Variants in USP28 observed in about 807,000 individuals in gnomAD.
USP28 encodes ubiquitin carboxyl-terminal hydrolase 28.
A neutral mutation model predicts 145.0 loss-of-function variants in USP28; 113 were observed. The ratio of observed to expected loss-of-function variants is 0.78; its 90% CI spans 0.67 to 0.91. USP28 has a LOEUF of 0.91. Among genes scored for constraint, USP28 ranks in the 40% least tolerant of loss-of-function variants. USP28 has a pLI of 0.00. For missense variants in USP28, 1,201 were observed against 1,289.6 expected (o/e 0.93, Z 1.05); for synonymous variants, 447 against 450.9 (o/e 0.99, Z 0.11).
At chr11:113,835,405 A>G in intron 5 of USP28, 1 of 453,576 alleles carries the variant, frequency 2.2e-6, no homozygotes, top group Non-Finnish European at 4.4e-6. Flanking sequence ...CCCCAGGTAT[A>G]TTTCCTAATG....
At chr11:113,832,650 AT>A (rs1944134475) in intron 7 of USP28, among the ~76,000 whole-genome samples, 1 of 152,254 alleles carries the variant, frequency 6.6e-6, no homozygotes, top group Non-Finnish European at 1.5e-5. Flanking sequence ...AGAGATCTGA[AT>A]AAAGAAAGAA....
intron 5 of USP28, among the ~76,000 whole-genome samples, chr11:113,840,385 C>T (rs1357788095): frequency 2.6e-5 from 4 of 152,214 alleles, no homozygotes; most frequent in African/African-American, 9.6e-5. Flanking sequence ...TCCAAAACAC[C>T]TATTCAATAT....
intron 21 of USP28, 92 bp downstream of exon 22, chr11:113,804,581 T>C: frequency 8.6e-7 from 1 of 1,161,714 alleles, no homozygotes; most frequent in Non-Finnish European, 1.2e-6. Context: ...CAAGTCAGTT[T>C]GTAATAGCAC....
intron 1 of USP28, chr11:113,874,439 A>AG (rs1949166844): frequency 1.8e-6 from 2 of 1,105,262 alleles, no homozygotes; most frequent in Non-Finnish European, 2.3e-6. Context: ...AAAAAAAAAA[A>AG]AAAAAAAAAA....
exon 15 of USP28, chr11:113,813,894 G>T: frequency 6.2e-7 from 1 of 1,612,752 alleles, no homozygotes; most frequent in Non-Finnish European, 8.5e-7. Flanking sequence ...CCTGACGAAG[G>T]AGAGGATCGC....
Position 113,824,794 on chromosome 11 carries a change from T to C in USP28, c.1188-1094A>G, listed in dbSNP as rs1943100706. On this transcript the variant is annotated intron_variant, in intron 11 of 24. Coordinates refer to ENST00000003302, the Ensembl canonical transcript of USP28. ...TAAAAATACAAAATTAGCTGGGCGT[T>C]GTGGCACATGCCTGTAATCCCAGAT... Among the ~76,000 whole-genome samples the C allele has an allele frequency of 2.0e-5, 3 of 151,594 alleles. No individual in the cohort carries two copies. In the South Asian group the frequency reaches 6.3e-4, roughly 32 times the overall value.
chr11:113,805,692 C>G (rs1428224310), intron 19 of USP28, among the ~76,000 whole-genome samples: 1 of 152,166 alleles, frequency 6.6e-6, no homozygotes, highest in East Asian at 1.9e-4. Context: ...CAATTTTACT[C>G]AAGTATTTTT....
intron 24 of USP28, among the ~76,000 whole-genome samples, chr11:113,800,437 G>C (rs7951021): frequency 0.51 from 76,962 of 151,846 alleles, 20,275 homozygotes; most frequent in South Asian, 0.59. Context: ...TGAGTAGCTA[G>C]AACTACACTA....
exon 24 of USP28, chr11:113,801,493 T>C (rs750361252): frequency 1.3e-6 from 2 of 1,579,074 alleles, no homozygotes; most frequent in Admixed American, 1.7e-5. Context: ...CTGCAATATC[T>C]TGCCCAAGGT....
intron 2 of USP28, 61 bp downstream of exon 2, chr11:113,854,197 A>C: frequency 1.4e-6 from 2 of 1,461,066 alleles, no homozygotes; most frequent in African/African-American, 1.4e-5. Flanking sequence ...TTGAACTGAC[A>C]TAACTATAAT....
intron 20 of USP28, 53 bp from the exon 22 acceptor site, chr11:113,804,804 C>G: frequency 6.2e-7 from 1 of 1,611,416 alleles, no homozygotes; most frequent in Non-Finnish European, 8.5e-7. Context: ...CAAAACTTCC[C>G]CAACAGAGGA....
At chr11:113,864,550 G>A (rs1484673469) in intron 1 of USP28, among the ~76,000 whole-genome samples, 2 of 152,154 alleles carry the variant, frequency 1.3e-5, no homozygotes, top group Non-Finnish European at 2.9e-5. Context: ...CTGAAGTCCT[G>A]TGAACCAAAA....
intron 5 of USP28, among the ~76,000 whole-genome samples, chr11:113,837,892 T>A (rs1293161857): frequency 6.6e-6 from 1 of 152,192 alleles, no homozygotes; most frequent in Non-Finnish European, 1.5e-5. Context: ...TGCCAACTGG[T>A]TCTCCCACCA....
rs758834322 is a variant in USP28, at chr11:113,817,715, A to G, written c.1406T>C (p.Met469Thr). ...GTGCACTGAAGAAAGTGGTAATGTCATATGTGTGTCACTTTCAGGTGGACA... is the reference window on the plus strand; with the variant it reads ...GTGCACTGAAGAAAGTGGTAATGTCGTATGTGTGTCACTTTCAGGTGGACA... Residue 469 changes from methionine (M) to threonine (T), a missense_variant, in exon 13 of 25, where the codon ATG (methionine) becomes ACG (threonine). By Grantham distance (81) the Met-to-Thr change is moderately conservative. Coordinates refer to ENST00000003302, the Ensembl canonical transcript of USP28. The G allele has an allele frequency of 2.0e-5, 33 of 1,614,124 alleles. No individual in the cohort carries two copies. The Admixed American group carries it at 4.7e-4, about 23-fold the overall frequency.
At chr11:113,840,868 T>A in intron 4 of USP28, 111 bp from the exon 5 acceptor site, 1 of 1,318,570 alleles carries the variant, frequency 7.6e-7, no homozygotes, top group Non-Finnish European at 1.0e-6. Context: ...AGAAAAAGTA[T>A]TTACTGGATA....
At position 113,812,319 on chromosome 11, in the gene USP28, G is replaced by T; in HGVS notation, c.1929C>A (p.Tyr643Ter). ...GTTTGTCATTAATGTACATCAGACA[G>T]TAAGCACTAACATTTCTCAGGCCTC... The change falls in exon 16 of 25, where the codon TAC (tyrosine) becomes TAA (stop). Residue 643 changes from tyrosine (Y) to a stop codon, truncating the protein, a stop_gained. Coordinates refer to ENST00000003302, the Ensembl canonical transcript of USP28. LOFTEE classifies it high-confidence loss of function. The T allele has an allele frequency of 6.2e-7, 1 of 1,614,122 alleles. No homozygotes were observed. The highest frequency in any genetic ancestry group is 8.5e-7 in the Non-Finnish European group (1 of 1,180,020).
chr11:113,831,207 A>G (rs941361712), intron 8 of USP28, among the ~76,000 whole-genome samples: 3 of 152,236 alleles, frequency 2.0e-5, no homozygotes, highest in Admixed American at 2.0e-4. Flanking sequence ...GTGGAGTCAC[A>G]CATGCAGACA....
Position 113,806,425 on chromosome 11 carries a change from G to T in USP28, c.2400+64C>A, listed in dbSNP as rs149378882. On this transcript the variant is annotated intron_variant, in intron 19 of 24. Coordinates refer to ENST00000003302, the Ensembl canonical transcript of USP28. ...TAACCCCATTTTTTCCCTTCTTATA[G>T]AATTATTTCCCCAATATTATGATGC... 133 of 1,405,808 alleles carry T rather than the reference G, an allele frequency of 9.5e-5. 1 individual carries two copies. In the African/African-American group the frequency reaches 1.7e-3, roughly 18 times the overall value. 87.1% of individuals were successfully genotyped at this position (1,405,808 alleles called of 1,614,324 possible).
chr11:113,803,830 G>A, exon 22 of USP28: 1 of 1,613,984 alleles, frequency 6.2e-7, no homozygotes, highest in Non-Finnish European at 8.5e-7. Context: ...GGCCTGTTAG[G>A]AGATACACAG....
Sources: gnomAD v4.1 joint callset for allele counts (sites outside exome capture counted in the v4.1 genomes callset) on GRCh38, gnomAD v4.1.1 for gene constraint, MANE v1.5 for transcripts, NCBI Gene and HGNC (gene_info 2026-07-23, HGNC 2026-07-21) for gene names.